The following SLC6A5 variants were observed in gnomAD, a reference collection of about 807,000 sequenced individuals.
SLC6A5 encodes sodium- and chloride-dependent glycine transporter 2.
In SLC6A5, 58 loss-of-function variants were observed where a neutral mutation model predicts 90.5. The observed-to-expected ratio is 0.64, with a 90% CI of 0.52 to 0.80. SLC6A5 has a LOEUF of 0.80. Among genes scored for constraint, SLC6A5 ranks in the 30% least tolerant of loss-of-function variants. The pLI, the probability that SLC6A5 is intolerant of heterozygous loss-of-function variation, is 0.00. For synonymous variants in SLC6A5, 427 were observed against 401.4 expected, an observed-to-expected ratio of 1.06 and a Z score of -0.76; for missense variants, 1,015 against 1,017.6, an observed-to-expected ratio of 1.00 and a Z score of 0.03.
chr11:20,647,025 G>C (rs1372284493), intron 14 of SLC6A5, 91 bp downstream of exon 14: 1 of 904,622 alleles, frequency 1.1e-6, no homozygotes, highest in Non-Finnish European at 1.9e-6. Flanking sequence ...GTTTACATTT[G>C]AACAGTGTGT....
chr11:20,633,019 G>C (rs1590172606), intron 10 of SLC6A5, among the ~76,000 whole-genome samples: 1 of 152,008 alleles, frequency 6.6e-6, no homozygotes, highest in East Asian at 1.9e-4. Context: ...GCTGTGTTTT[G>C]CTTTTATGAT....
chr11:20,608,985 T>TGC (rs2133777670), intron 5 of SLC6A5, among the ~76,000 whole-genome samples: 1 of 151,716 alleles, frequency 6.6e-6, no homozygotes, highest in South Asian at 2.1e-4. Flanking sequence ...TGTGTGTGTG[T>TGC]GTGTGTTTAA....
rs17232722 is a variant in SLC6A5, at chr11:20,657,058, A to G, written c.*2190A>G. ...AGAAAGAGAGCTTAAATCAATTAGC[A>G]TTCTCTCATGGGACTGGTATGTTTG... On this transcript the variant is annotated 3_prime_UTR_variant, in exon 16 of 16. Transcript: ENST00000525748. 31,556 of 152,162 alleles carry G rather than the reference A, an allele frequency of 0.21. 4,357 individuals carry two copies. Among genetic ancestry groups the G allele is most frequent in the Non-Finnish European group, 0.3 (20,220 of 67,994 alleles). 9.4% of individuals were successfully genotyped at this position (152,162 alleles called of 1,614,324 possible).
At chr11:20,635,704 A>G (rs966350961) in intron 10 of SLC6A5, among the ~76,000 whole-genome samples, 3 of 152,152 alleles carry the variant, frequency 2.0e-5, no homozygotes, top group African/African-American at 7.2e-5. Context: ...TCATGTTCCA[A>G]CTTTTAGAGC....
At chr11:20,643,521 G>A (rs1243965145) in intron 13 of SLC6A5, among the ~76,000 whole-genome samples, 5 of 152,128 alleles carry the variant, frequency 3.3e-5, no homozygotes, top group Admixed American at 3.3e-4. Context: ...AGCCTTAAGA[G>A]CTCATTTGGC....
At chr11:20,645,116 C>G (rs186028698) in intron 13 of SLC6A5, among the ~76,000 whole-genome samples, 1 of 151,938 alleles carries the variant, frequency 6.6e-6, no homozygotes, top group Non-Finnish European at 1.5e-5. Context: ...CCTGGCCCAG[C>G]GGGTCCATTT....
chr11:20,602,121 G>A (rs981304192), intron 2 of SLC6A5, among the ~76,000 whole-genome samples: 3 of 152,202 alleles, frequency 2.0e-5, no homozygotes, highest in Non-Finnish European at 4.4e-5. Context: ...AAGTTTTGTA[G>A]CCTTTACACT....
At chr11:20,640,057 T>A (rs553065483) in intron 13 of SLC6A5, among the ~76,000 whole-genome samples, 1 of 152,192 alleles carries the variant, frequency 6.6e-6, no homozygotes, top group Non-Finnish European at 1.5e-5. Flanking sequence ...CAGCGTATCT[T>A]AACTTTGTGC....
chr11:20,626,006 C>T (rs1852986714), intron 7 of SLC6A5, among the ~76,000 whole-genome samples: 1 of 152,222 alleles, frequency 6.6e-6, no homozygotes, highest in African/African-American at 2.4e-5. Flanking sequence ...AGGAGGCCCT[C>T]AATAAATATT....
chr11:20,632,177 C>T (rs1853121472), intron 10 of SLC6A5, among the ~76,000 whole-genome samples: 2 of 152,138 alleles, frequency 1.3e-5, no homozygotes, highest in Non-Finnish European at 2.9e-5. Flanking sequence ...TCCAGCTGTC[C>T]TGTAACCTCA....
intron 7 of SLC6A5, among the ~76,000 whole-genome samples, chr11:20,625,422 C>T (rs192534532): frequency 2.8e-4 from 43 of 151,690 alleles, no homozygotes; most frequent in African/African-American, 8.7e-4. Context: ...CCACCACACC[C>T]GGCTAATTTT....
intron 7 of SLC6A5, among the ~76,000 whole-genome samples, chr11:20,623,214 T>G (rs1894163): frequency 6.6e-6 from 1 of 152,002 alleles, no homozygotes; most frequent in East Asian, 1.9e-4. Flanking sequence ...AGGAGTGCAG[T>G]CCACCTCTGG....
chr11:20,617,604 T>A, intron 6 of SLC6A5, 148 bp from the exon 7 acceptor site: 1 of 720,790 alleles, frequency 1.4e-6, no homozygotes, highest in Non-Finnish European at 2.5e-6. Flanking sequence ...CAGCCTGATG[T>A]GATTAGGTTC....
At chr11:20,644,278 C>A (rs191776465) in intron 13 of SLC6A5, among the ~76,000 whole-genome samples, 1 of 152,166 alleles carries the variant, frequency 6.6e-6, no homozygotes, top group Non-Finnish European at 1.5e-5. Flanking sequence ...ATTCTGCTGT[C>A]TCCTTCTCTG....
At chr11:20,648,856 T>A (rs1565290010) in intron 14 of SLC6A5, among the ~76,000 whole-genome samples, 1 of 152,214 alleles carries the variant, frequency 6.6e-6, no homozygotes, top group South Asian at 2.1e-4. Flanking sequence ...AGGCACTTCA[T>A]AAGCATTGTT....
chr11:20,629,374 T>C (rs1853064342), intron 9 of SLC6A5, among the ~76,000 whole-genome samples: 1 of 152,140 alleles, frequency 6.6e-6, no homozygotes, highest in African/African-American at 2.4e-5. Context: ...CAAGGCCCCA[T>C]CTCCTCAATT....
At chr11:20,654,631 C>A in intron 15 of SLC6A5, 82 bp from the exon 16 acceptor site, 1 of 1,381,300 alleles carries the variant, frequency 7.2e-7, no homozygotes, top group Non-Finnish European at 1.0e-6. Context: ...TGGTCATAAG[C>A]AGTTTGGGGA....
chr11:20,644,418 C>T (rs1853371037), intron 13 of SLC6A5, among the ~76,000 whole-genome samples: 1 of 152,234 alleles, frequency 6.6e-6, no homozygotes, highest in South Asian at 2.1e-4. Flanking sequence ...CATCTCCACT[C>T]TTTCAAAAGG....
intron 1 of SLC6A5, 89 bp from the exon 2 acceptor site, chr11:20,601,040 C>T: frequency 7.4e-7 from 1 of 1,346,614 alleles, no homozygotes; most frequent in Non-Finnish European, 1.0e-6. Context: ...GTGTCTGGAC[C>T]TGAGTTGCGA....
Sources: allele counts gnomAD v4.1 joint callset (sites outside exome capture counted in the v4.1 genomes callset), GRCh38; gene constraint gnomAD v4.1.1; transcripts MANE v1.5; gene names NCBI Gene and HGNC (gene_info 2026-07-23, HGNC 2026-07-21).